NOL4: variants seen among roughly 807,000 people sequenced by gnomAD.
NOL4 encodes nucleolar protein 4.
Under a neutral mutation model 75.9 loss-of-function variants are expected in NOL4, and 17 were observed. The ratio of observed to expected loss-of-function variants is 0.22; its 90% CI spans 0.15 to 0.34. The LOEUF (loss-of-function observed/expected upper bound fraction) is 0.34. Ranked by LOEUF, NOL4 falls within the 10% of genes least tolerant of loss-of-function variation. The probability of loss-of-function intolerance (pLI) is 1.00; values close to 1 mark genes in which losing one functional copy is unlikely to be tolerated. For synonymous variants in NOL4, 292 were observed against 289.9 expected, an observed-to-expected ratio of 1.01 and a Z score of -0.07; for missense variants, 614 against 793.5, an observed-to-expected ratio of 0.77 and a Z score of 2.72.
chr18:33,908,109 T>G (rs1274516343), intron 9 of NOL4, among the ~76,000 whole-genome samples: 1 of 152,174 alleles, frequency 6.6e-6, no homozygotes, highest in Non-Finnish European at 1.5e-5. Context: ...AATTCAGGCC[T>G]GATACTTCAA....
At chr18:33,961,050 C>T (rs969306265) in intron 6 of NOL4, among the ~76,000 whole-genome samples, 7 of 151,848 alleles carry the variant, frequency 4.6e-5, no homozygotes, top group African/African-American at 1.7e-4. Context: ...GGAGCTTTAA[C>T]CTTGACATAA....
intron 9 of NOL4, among the ~76,000 whole-genome samples, chr18:33,913,908 AG>A (rs1460517292): frequency 2.6e-5 from 4 of 152,122 alleles, no homozygotes; most frequent in Non-Finnish European, 5.9e-5. Flanking sequence ...GAGAAGACAA[AG>A]GGTAATAGTC....
intron 1 of NOL4, chr18:34,221,014 C>G (rs559184120): frequency 6.6e-6 from 1 of 151,956 alleles, no homozygotes; most frequent in African/African-American, 2.4e-5. Flanking sequence ...TTATGATGAT[C>G]TTAGTATCTC....
Position 34,176,125 on chromosome 18 carries a change from C to T in NOL4, c.265-46105G>A, listed in dbSNP as rs570560475. Reference sequence around the variant, plus strand: ...TAGCTGGAGAATATTAATAAGAACACGGAAATTATTTAAAAAAATAAAGGA... The same window carrying T: ...TAGCTGGAGAATATTAATAAGAACATGGAAATTATTTAAAAAAATAAAGGA... On this transcript the variant is annotated intron_variant, in intron 1 of 10. Transcript: ENST00000261592. Among the ~76,000 whole-genome samples, 11 of 151,418 alleles carry T rather than the reference C, an allele frequency of 7.3e-5. No homozygotes were observed. The East Asian group carries it at 7.8e-4, about 11-fold the overall frequency.
intron 5 of NOL4, among the ~76,000 whole-genome samples, chr18:34,086,905 C>T (rs1041880008): frequency 1.3e-5 from 2 of 152,044 alleles, no homozygotes; most frequent in African/African-American, 4.8e-5. Context: ...ACTAAGAAAA[C>T]AGAGCTAATT....
chr18:34,033,588 C>G (rs2075746624), intron 5 of NOL4, among the ~76,000 whole-genome samples: 3 of 151,820 alleles, frequency 2.0e-5, no homozygotes, highest in Admixed American at 1.3e-4. Context: ...TTATGGGAGT[C>G]CCATAAAGCA....
At chr18:34,017,061 T>C (rs568977542) in intron 6 of NOL4, among the ~76,000 whole-genome samples, 61 of 152,244 alleles carry the variant, frequency 4.0e-4, no homozygotes, top group African/African-American at 1.4e-3. Context: ...TCATAGTGTC[T>C]AGCAAGAGAC....
At chr18:34,152,412 A>G (rs1325984616) in intron 1 of NOL4, among the ~76,000 whole-genome samples, 2 of 152,026 alleles carry the variant, frequency 1.3e-5, no homozygotes, top group East Asian at 3.9e-4. Flanking sequence ...CTTGGTTTGA[A>G]AACAAAATAG....
chr18:33,897,650 A>G (rs1248833698), intron 9 of NOL4, among the ~76,000 whole-genome samples: 2 of 152,080 alleles, frequency 1.3e-5, no homozygotes, highest in Non-Finnish European at 2.9e-5. Flanking sequence ...AAAGATAACT[A>G]TTGGGTACTG....
chr18:34,035,760 CAAATT>C (rs1453859461), intron 5 of NOL4, among the ~76,000 whole-genome samples: 6 of 151,318 alleles, frequency 4.0e-5, no homozygotes, highest in Non-Finnish European at 8.8e-5. Flanking sequence ...ATAGAAGACT[CAAATT>C]AAAAAAAATC....
chr18:34,220,982 T>A (rs934071275), intron 1 of NOL4: 1 of 152,186 alleles, frequency 6.6e-6, no homozygotes, highest in African/African-American at 2.4e-5. Context: ...AATGCGTGAA[T>A]GCTAGTTTGA....
At chr18:34,126,863 A>G (rs2080411744) in intron 2 of NOL4, among the ~76,000 whole-genome samples, 1 of 151,980 alleles carries the variant, frequency 6.6e-6, no homozygotes, top group African/African-American at 2.4e-5. Context: ...TTCAAACATG[A>G]GTGATATTGA....
chr18:33,991,324 T>C (rs549075065), intron 6 of NOL4, among the ~76,000 whole-genome samples: 5 of 152,160 alleles, frequency 3.3e-5, no homozygotes, highest in African/African-American at 1.2e-4. Flanking sequence ...TGAAACTTTA[T>C]TTATAAGTGA....
At chr18:33,865,898 C>G (rs1052755100) in intron 10 of NOL4, among the ~76,000 whole-genome samples, 1 of 152,042 alleles carries the variant, frequency 6.6e-6, no homozygotes, top group Non-Finnish European at 1.5e-5. Context: ...TATTAGGTTA[C>G]CAATAAATAG....
At chr18:34,208,895 T>C (rs1010058763) in intron 1 of NOL4, among the ~76,000 whole-genome samples, 3 of 150,838 alleles carry the variant, frequency 2.0e-5, no homozygotes. Context: ...ATTATCATAA[T>C]TCATTGGGAA....
At chr18:34,198,617 T>A (rs985540998) in intron 1 of NOL4, among the ~76,000 whole-genome samples, 11 of 151,796 alleles carry the variant, frequency 7.2e-5, no homozygotes, top group Non-Finnish European at 1.2e-4. Context: ...TTAAAAAAAA[T>A]TGCATATTCT....
intron 6 of NOL4, among the ~76,000 whole-genome samples, chr18:33,971,323 A>C (rs1014629338): frequency 6.6e-5 from 10 of 152,216 alleles, no homozygotes; most frequent in African/African-American, 2.4e-5. Context: ...ACTCAAATGC[A>C]TACAGAAGTG....
In NOL4 at chr18:33,852,535, A is replaced by T; in HGVS notation, c.*307T>A. ...GGATCTTGAACTATTGTTTTATACCACAAGCTTCTTCTGTTTTATCCTTGA... is the reference window on the plus strand; with the variant it reads ...GGATCTTGAACTATTGTTTTATACCTCAAGCTTCTTCTGTTTTATCCTTGA... On this transcript the variant is annotated 3_prime_UTR_variant, in exon 11 of 11. Transcript: ENST00000261592. The T allele has an allele frequency of 5.3e-6, 1 of 189,100 alleles. No homozygotes were observed. The highest frequency in any genetic ancestry group is 1.1e-5 in the Non-Finnish European group (1 of 93,660). The allele number at this position is 189,100 out of a possible 1,614,324, so 11.7% of individuals were successfully genotyped here.
intron 5 of NOL4, among the ~76,000 whole-genome samples, chr18:34,093,047 G>A (rs1440265562): frequency 6.6e-6 from 1 of 152,094 alleles, no homozygotes; most frequent in Non-Finnish European, 1.5e-5. Flanking sequence ...GTGATTCTTA[G>A]TTGAAACTTG....
Sources: allele counts gnomAD v4.1 joint callset (sites outside exome capture counted in the v4.1 genomes callset), GRCh38; gene constraint gnomAD v4.1.1; transcripts MANE v1.5; gene names NCBI Gene and HGNC (gene_info 2026-07-23, HGNC 2026-07-21).